The following PRKD2 variants were observed in gnomAD, a reference collection of about 807,000 sequenced individuals.
PRKD2 encodes protein kinase D2, also known as serine/threonine-protein kinase D2.
A neutral mutation model predicts 86.0 loss-of-function variants in PRKD2; 22 were observed. The observed-to-expected ratio is 0.26, with a 90% CI of 0.18 to 0.37. PRKD2 has a LOEUF of 0.37. Ranked by LOEUF, PRKD2 falls within the 10% of genes least tolerant of loss-of-function variation. The pLI is 1.00. For synonymous variants in PRKD2, 509 were observed against 510.9 expected, an observed-to-expected ratio of 1.00 and a Z score of 0.05; for missense variants, 818 against 1,199.2, an observed-to-expected ratio of 0.68 and a Z score of 4.70.
At chr19:46,714,045 C>T (rs1599845665) in intron 1 of PRKD2, 44 bp from the exon 2 acceptor site, 1 of 1,597,346 alleles carries the variant, frequency 6.3e-7, no homozygotes, top group South Asian at 1.1e-5. Context: ...AGCTCAGAGC[C>T]GCCTTCAGCA....
At position 46,693,724 on chromosome 19, in the gene PRKD2, T is replaced by G; in HGVS notation, c.1576+151A>C. On this transcript the variant is annotated intron_variant, in intron 10 of 17. Coordinates refer to ENST00000291281, the MANE Select transcript of PRKD2 (RefSeq NM_016457.5). This position sits in a 1 kb window ranked among gnomAD's most constrained non-coding sequence, Gnocchi z 4.5. Reference sequence around the variant, plus strand: ...AAGCGCTGGGATTAACAGGAGTGATTAACAGAGTTTGAACCCAGGCCTGCT... The same window carrying G: ...AAGCGCTGGGATTAACAGGAGTGATGAACAGAGTTTGAACCCAGGCCTGCT... The G allele has an allele frequency of 4.9e-6, 6 of 1,222,600 alleles. No homozygotes were observed. Among genetic ancestry groups the G allele is most frequent in the Non-Finnish European group, 5.6e-6 (5 of 885,428 alleles). The allele number at this position is 1,222,600 out of a possible 1,614,324, so 75.7% of individuals were successfully genotyped here.
chr19:46,685,556 GC>G (rs1299388700), intron 14 of PRKD2: 1 of 152,456 alleles, frequency 6.6e-6, no homozygotes, highest in Non-Finnish European at 1.5e-5. Context: ...AGAAGAGCGA[GC>G]AGGCAAAAAG....
At chr19:46,690,500 C>A in intron 13 of PRKD2, 100 bp downstream of exon 13, 1 of 1,008,444 alleles carries the variant, frequency 9.9e-7, no homozygotes, top group Non-Finnish European at 1.6e-6. Context: ...TCTCAACATG[C>A]ACATGCCCTC....
chr19:46,694,756 C>T (rs762101273), intron 9 of PRKD2, among the ~76,000 whole-genome samples: 32 of 152,044 alleles, frequency 2.1e-4, no homozygotes, highest in South Asian at 4.2e-4. Context: ...ATCACATGGG[C>T]GGTGCCTGGA....
intron 10 of PRKD2, 79 bp from the exon 11 acceptor site, chr19:46,692,064 G>C: frequency 7.0e-7 from 1 of 1,429,970 alleles, no homozygotes; most frequent in Non-Finnish European, 9.9e-7. Flanking sequence ...AAGCAGACTT[G>C]GGAGTCAGGC....
Position 46,700,888 on chromosome 19 carries a change from T to C in PRKD2, c.1032A>G (p.Ser344=). ...EADKSALMDE[S]EDSGVIPGSH... Reference sequence around the variant, plus strand: ...AGCCAGGGATGACACCGGAGTCCTCTGACTCATCCATGAGGGCGCTCTTGT... The same window carrying C: ...AGCCAGGGATGACACCGGAGTCCTCCGACTCATCCATGAGGGCGCTCTTGT... Residue 344 remains serine, a synonymous_variant, in exon 7 of 18, where the codon TCA becomes TCG. Coordinates refer to ENST00000291281, the MANE Select transcript of PRKD2 (RefSeq NM_016457.5). 6.2e-7 allele frequency: 1 copy of C among 1,614,258 alleles called. No individual in the cohort carries two copies. The highest frequency in any genetic ancestry group is 1.7e-5 in the Admixed American group (1 of 60,034).
chr19:46,680,946 A>ATATATATATATATATATATATATAT, intron 15 of PRKD2, among the ~76,000 whole-genome samples: 4 of 48,232 alleles, frequency 8.3e-5, no homozygotes, highest in Admixed American at 3.1e-4. Flanking sequence ...ATATATATAT[A>ATATATATATATATATATATATATAT]TTTTTTTTTT....
chr19:46,683,398 T>C (rs11083845), intron 14 of PRKD2, among the ~76,000 whole-genome samples: 109,877 of 152,024 alleles, frequency 0.72, 40,225 homozygotes, highest in African/African-American at 0.83. Flanking sequence ...CAGCCTGATT[T>C]CATTTTTAAA....
intron 5 of PRKD2, among the ~76,000 whole-genome samples, chr19:46,703,519 C>A (rs561360913): frequency 2.6e-5 from 4 of 151,888 alleles, no homozygotes; most frequent in Non-Finnish European, 5.9e-5. Context: ...CGCCTGTAAT[C>A]CCGGCATTTT....
rs369924337 is a variant in PRKD2 at position 46,693,906 on chromosome 19, G to A, written c.1545C>T (p.Asp515=). 9.9e-6 allele frequency: 16 copies of A among 1,608,416 alleles called. No homozygotes were observed. The highest frequency in any genetic ancestry group is 4.4e-5 in the South Asian group (4 of 90,976). Residue 515 remains aspartate, a synonymous_variant, in exon 10 of 18, where the codon GAC becomes GAT. Transcript: ENST00000291281. This position sits in a 1 kb window ranked among gnomAD's most constrained non-coding sequence, Gnocchi z 4.5. ...GCGCGTGGCCTGGGGCGCTGGGTGCGTCCTGAAGGATGACGGGCATCAGGG... is the reference window on the plus strand; with the variant it reads ...GCGCGTGGCCTGGGGCGCTGGGTGCATCCTGAAGGATGACGGGCATCAGGG... ...RQALMPVILQ[D]APSAPGHAPH...
intron 14 of PRKD2, among the ~76,000 whole-genome samples, chr19:46,688,213 A>C (rs2053428205): frequency 6.6e-6 from 1 of 152,006 alleles, no homozygotes; most frequent in South Asian, 2.1e-4. Flanking sequence ...TATGTTGCCC[A>C]GGCTGGCTCA....
chr19:46,709,780 A>G (rs1306351195), intron 3 of PRKD2, among the ~76,000 whole-genome samples: 1 of 152,214 alleles, frequency 6.6e-6, no homozygotes, highest in African/African-American at 2.4e-5. Context: ...TAAAAAGCAG[A>G]TCAGAGACTT....
At chr19:46,704,827 C>T (rs1290912504) in intron 3 of PRKD2, among the ~76,000 whole-genome samples, 178 bp from the exon 4 acceptor site, 1 of 152,112 alleles carries the variant, frequency 6.6e-6, no homozygotes, top group East Asian at 1.9e-4. Flanking sequence ...TCAGGCCCAC[C>T]CCTCCTTAGA....
chr19:46,682,030 G>A (rs367747762), intron 14 of PRKD2, among the ~76,000 whole-genome samples: 4 of 147,066 alleles, frequency 2.7e-5, no homozygotes, highest in South Asian at 2.2e-4. Context: ...TTTTTGAGGC[G>A]GAGTCTCACT....
At chr19:46,703,961 ACAC>A (rs142982718) in intron 5 of PRKD2, among the ~76,000 whole-genome samples, 5 of 95,108 alleles carry the variant, frequency 5.3e-5, no homozygotes, top group East Asian at 2.9e-4. Flanking sequence ...CAACAACAAC[ACAC>A]ACACACACAC....
intron 15 of PRKD2, among the ~76,000 whole-genome samples, chr19:46,680,946 A>ATATATATATATATATATATATATATATT: frequency 1.2e-4 from 6 of 48,228 alleles, no homozygotes; most frequent in South Asian, 1.1e-3. Context: ...ATATATATAT[A>ATATATATATATATATATATATATATATT]TTTTTTTTTT....
Position 46,714,102 on chromosome 19 carries a change from G to A in PRKD2, c.241-101C>T, listed in dbSNP as rs933983954. On this transcript the variant is annotated intron_variant, in intron 1 of 17. Coordinates refer to ENST00000291281, the MANE Select transcript of PRKD2 (RefSeq NM_016457.5). The stretch of plus-strand genomic sequence containing the variant: ...CAGGGCAGGGCCGGCTGTTTCCCCC[G>A]GAAACGCAGAGACCCCGCAGGCCCT... 16 of 1,471,830 alleles carry A rather than the reference G, an allele frequency of 1.1e-5. No homozygotes were observed. The African/African-American group carries it at 1.3e-4, about 12-fold the overall frequency. The allele number at this position is 1,471,830 out of a possible 1,614,324, so 91.2% of individuals were successfully genotyped here.
At chr19:46,704,116 G>A in intron 5 of PRKD2, 53 bp downstream of exon 5, 1 of 1,606,610 alleles carries the variant, frequency 6.2e-7, no homozygotes, top group South Asian at 1.1e-5. Flanking sequence ...GACCAGGTTG[G>A]GGCGGGAAGG....
Position 46,710,941 on chromosome 19 carries a change from G to A in PRKD2, c.477C>T (p.Leu159=). Residue 159 remains leucine (L), a synonymous_variant, in exon 3 of 18, where the codon CTC becomes CTT. Transcript: ENST00000291281. ...TGAGGCCCTGGCGCACTAGGCCGAAGAGCATCTCCCCGCAGTGATCACAGA... is the reference window on the plus strand; with the variant it reads ...TGAGGCCCTGGCGCACTAGGCCGAAAAGCATCTCCCCGCAGTGATCACAGA... The part of the protein sequence containing the change: ...PAFCDHCGEM[L]FGLVRQGLKC... 1.9e-6 allele frequency: 3 copies of A among 1,577,744 alleles called. No homozygotes were observed. The highest frequency in any genetic ancestry group is 1.3e-5 in the African/African-American group (1 of 74,204).
Sources: gnomAD v4.1 joint callset for allele counts (sites outside exome capture counted in the v4.1 genomes callset) on GRCh38, gnomAD v4.1.1 for gene constraint, Gnocchi (gnomAD v3.1) non-coding constraint, MANE v1.5 for transcripts, NCBI Gene and HGNC (gene_info 2026-07-23, HGNC 2026-07-21) for gene names.